Variants in PAICS observed in about 807,000 individuals in gnomAD.
PAICS encodes phosphoribosylaminoimidazole carboxylase and phosphoribosylaminoimidazolesuccinocarboxamide synthase.
Under a neutral mutation model 53.7 loss-of-function variants are expected in PAICS, and 33 were observed. That is an observed-to-expected ratio of 0.61 (90% CI 0.47 to 0.82). The LOEUF (loss-of-function observed/expected upper bound fraction) is 0.82, where lower values mean the gene tolerates loss of function less well. Ranked by LOEUF, PAICS falls within the 40% of genes least tolerant of loss-of-function variation. The pLI is 0.00. For missense variants in PAICS, 394 were observed against 494.1 expected, an observed-to-expected ratio of 0.80 and a Z score of 1.92; for synonymous variants, 141 against 167.2, an observed-to-expected ratio of 0.84 and a Z score of 1.21.
At chr4:56,448,394 T>C in intron 3 of PAICS, 24 bp from the exon 4 acceptor site, 1 of 1,471,616 alleles carries the variant, frequency 6.8e-7, no homozygotes, top group African/African-American at 1.4e-5. Context: ...TGAAGTTAAT[T>C]GTACTACTAT....
chr4:56,438,372 T>TATAC (rs1718138939), intron 1 of PAICS, among the ~76,000 whole-genome samples: 1 of 1,176 alleles, frequency 8.5e-4, no homozygotes, highest in South Asian at 0.12. Context: ...GCAATGTGTT[T>TATAC]ATATATATAT....
At chr4:56,410,908 A>T in the PAICS span, 15 of 682,590 alleles carry the variant, frequency 2.2e-5, no homozygotes, top group East Asian at 1.1e-3. Flanking sequence ...GTAAAAAAAA[A>T]AAAAAAAAAA....
At chr4:56,412,171 C>T in the PAICS span, among the ~76,000 whole-genome samples, 68 of 152,268 alleles carry the variant, frequency 4.5e-4, no homozygotes, top group African/African-American at 1.2e-3. Context: ...GGATCTTCAG[C>T]GCTTTCAGGT....
chr4:56,424,383 C>T, the PAICS span, among the ~76,000 whole-genome samples: 7 of 152,076 alleles, frequency 4.6e-5, no homozygotes, highest in East Asian at 1.9e-4. Flanking sequence ...CACTGGAAAC[C>T]GTAGCTAGGT....
chr4:56,454,511 G>A (rs1323085190), intron 8 of PAICS, among the ~76,000 whole-genome samples: 1 of 152,258 alleles, frequency 6.6e-6, no homozygotes, highest in South Asian at 2.1e-4. Context: ...ATAATTTTTA[G>A]TTGGGGTCCA....
chr4:56,437,787 C>T (rs2110078951), intron 1 of PAICS, among the ~76,000 whole-genome samples: 1 of 136,318 alleles, frequency 7.3e-6, no homozygotes, highest in South Asian at 2.4e-4. Context: ...CGCCACTGCA[C>T]TCCAGCCTGG....
chr4:56,422,750 T>C, the PAICS span: 1 of 152,178 alleles, frequency 6.6e-6, no homozygotes, highest in Non-Finnish European at 1.5e-5. Flanking sequence ...AATTATGTTA[T>C]AACATTATAT....
At chr4:56,438,369 GTTTATA>G (rs1460780914) in intron 1 of PAICS, among the ~76,000 whole-genome samples, 1 of 44,624 alleles carries the variant, frequency 2.2e-5, no homozygotes, top group African/African-American at 6.8e-5. Flanking sequence ...GGTGCAATGT[GTTTATA>G]TATATATATA....
rs1473541147 is a variant in PAICS at position 56,464,034 on chromosome 4, G to C, written c.*4496G>C. The C allele has an allele frequency of 1.3e-5, 2 of 152,232 alleles. No homozygotes were observed. Among genetic ancestry groups the C allele is most frequent in the Non-Finnish European group, 2.9e-5 (2 of 68,102 alleles). The allele number at this position is 152,232 out of a possible 1,614,324, so 9.4% of individuals were successfully genotyped here. On this transcript the variant is annotated 3_prime_UTR_variant, in exon 9 of 9. Coordinates refer to ENST00000512576, the MANE Select transcript of PAICS (RefSeq NM_001079524.2). The stretch of plus-strand genomic sequence containing the variant: ...GTGCCCCCAGATGTTGGTGCTCCTG[G>C]TCCTCAGGCCTTCAGACTAGGACTT...
the PAICS span, chr4:56,422,738 G>A: frequency 6.6e-6 from 1 of 152,034 alleles, no homozygotes; most frequent in Non-Finnish European, 1.5e-5. Flanking sequence ...CCATACCTAA[G>A]AAATTATGTT....
At chr4:56,436,158 CGG>C (rs1198377347), upstream of PAICS, 5 of 1,492,574 alleles carry the variant, frequency 3.3e-6, no homozygotes, top group Non-Finnish European at 4.5e-6. Context: ...CATACCCCTC[CGG>C]GTTAGGCGGC....
At chr4:56,412,298 T>G in the PAICS span, among the ~76,000 whole-genome samples, 1 of 151,318 alleles carries the variant, frequency 6.6e-6, no homozygotes, top group Non-Finnish European at 1.5e-5. Flanking sequence ...AACTCTCTAT[T>G]CTCCCATCAC....
At chr4:56,435,925 C>G (rs768922437), upstream of PAICS, 15 of 1,495,286 alleles carry the variant, frequency 1.0e-5, no homozygotes, top group Non-Finnish European at 1.3e-5. Flanking sequence ...GCCGTCAAGA[C>G]TTGGTACGCT....
chr4:56,451,730 C>CT, intron 6 of PAICS, 142 bp from the exon 7 acceptor site: 1 of 480,530 alleles, frequency 2.1e-6, no homozygotes. Flanking sequence ...TAAATCCTGT[C>CT]TTTTTGTTGT....
At chr4:56,441,948 A>G in intron 2 of PAICS, 88 bp downstream of exon 2, 5 of 862,836 alleles carry the variant, frequency 5.8e-6, no homozygotes, top group Non-Finnish European at 7.0e-6. Context: ...AATATGAACA[A>G]CTTGTTTGCA....
At chr4:56,435,594 C>T, upstream of PAICS, 2 of 1,553,818 alleles carry the variant, frequency 1.3e-6, no homozygotes, top group Middle Eastern at 2.4e-4. Flanking sequence ...GCTCTTCCTT[C>T]CCGAGGGTGG....
At chr4:56,417,555 G>A in the PAICS span, among the ~76,000 whole-genome samples, 324 of 152,178 alleles carry the variant, frequency 2.1e-3, no homozygotes, top group Non-Finnish European at 3.5e-3. Flanking sequence ...GCCAAGGTGC[G>A]GGATCACTTG....
At chr4:56,426,508 G>A in the PAICS span, among the ~76,000 whole-genome samples, 1 of 152,056 alleles carries the variant, frequency 6.6e-6, no homozygotes, top group Non-Finnish European at 1.5e-5. Context: ...CTAAGAATTT[G>A]CCTATTCTGG....
chr4:56,456,793 T>C (rs1203316362), intron 8 of PAICS, among the ~76,000 whole-genome samples: 2 of 151,996 alleles, frequency 1.3e-5, no homozygotes, highest in African/African-American at 2.4e-5. Context: ...TTTGTGTTTG[T>C]ATGTTTTTAA....
Sources: gnomAD v4.1 joint callset for allele counts (sites outside exome capture counted in the v4.1 genomes callset) on GRCh38, gnomAD v4.1.1 for gene constraint, MANE v1.5 for transcripts, NCBI Gene and HGNC (gene_info 2026-07-23, HGNC 2026-07-21) for gene names.